Variants in JARID2 observed in about 807,000 individuals in gnomAD.
JARID2 encodes protein Jumonji.
Under a neutral mutation model 125.6 loss-of-function variants are expected in JARID2, and 21 were observed. That is an observed-to-expected ratio of 0.17 (90% CI 0.12 to 0.24). The LOEUF (loss-of-function observed/expected upper bound fraction) is 0.24. Among genes scored for constraint, JARID2 ranks in the 10% least tolerant of loss-of-function variants. The pLI is 1.00. For synonymous variants in JARID2, 736 were observed against 661.6 expected (o/e 1.11, Z -1.73); for missense variants, 1,303 against 1,639.6 (o/e 0.79, Z 3.55).
At chr6:15,509,655 G>C (rs1771181151) in intron 12 of JARID2, among the ~76,000 whole-genome samples, 1 of 152,248 alleles carries the variant, frequency 6.6e-6, no homozygotes, top group South Asian at 2.1e-4. Context: ...CTTTGCCTCC[G>C]GAAGAAGAGC....
In JARID2 at chr6:15,475,311, C is replaced by CT. The variant is rs60370715; in HGVS notation, c.670+6595dup. The stretch of plus-strand genomic sequence containing the variant: ...CCAGTGCCTTGCAAATCTAATGAAG[C>CT]TTGGAGCTCTGCAGGTGCAGGTGCT... On this transcript the variant is annotated intron_variant, in intron 5 of 17. Transcript: ENST00000341776. Among the ~76,000 whole-genome samples, 689 of 152,306 alleles carry CT rather than the reference C, an allele frequency of 4.5e-3. 4 individuals carry two copies. The highest frequency in any genetic ancestry group is 0.016 in the African/African-American group (661 of 41,564).
intron 6 of JARID2, among the ~76,000 whole-genome samples, chr6:15,491,502 A>G (rs1022326001): frequency 2.0e-5 from 3 of 152,166 alleles, no homozygotes; most frequent in African/African-American, 7.2e-5. Context: ...CCAGCCACCA[A>G]CTGTTTCTCT....
At chr6:15,457,809 A>G (rs1447271838) in intron 4 of JARID2, among the ~76,000 whole-genome samples, 1 of 152,166 alleles carries the variant, frequency 6.6e-6, no homozygotes, top group Non-Finnish European at 1.5e-5. Context: ...TACTGGGATT[A>G]GTATAGATAT....
chr6:15,415,796 ACGG>A (rs1377726849), intron 3 of JARID2, among the ~76,000 whole-genome samples: 19 of 132,708 alleles, frequency 1.4e-4, no homozygotes, highest in African/African-American at 5.5e-4. Context: ...CACCTCCCAG[ACGG>A]GGCGGCTGGC....
intron 6 of JARID2, 22 bp from the exon 7 acceptor site, chr6:15,496,105 TCCACC>T (rs1330657659): frequency 2.5e-6 from 4 of 1,572,832 alleles, no homozygotes; most frequent in Admixed American, 1.8e-5. Flanking sequence ...TGCGTTTTTT[TCCACC>T]TCTGCTTCTG....
intron 1 of JARID2, chr6:15,247,681 G>A (rs1759237653): frequency 3.0e-6 from 3 of 985,080 alleles, no homozygotes; most frequent in South Asian, 4.7e-5. Flanking sequence ...TGACCTTCGG[G>A]GCACTGGTTT....
intron 1 of JARID2, among the ~76,000 whole-genome samples, chr6:15,299,489 T>C (rs1581385872): frequency 6.6e-6 from 1 of 152,180 alleles, no homozygotes; most frequent in African/African-American, 2.4e-5. Context: ...GTGTCAGAAA[T>C]AGATGCCATC....
At chr6:15,483,174 AAAC>A (rs1769705443) in intron 5 of JARID2, among the ~76,000 whole-genome samples, 1 of 152,378 alleles carries the variant, frequency 6.6e-6, no homozygotes, top group Non-Finnish European at 1.5e-5. Flanking sequence ...CTTGAAATAA[AAAC>A]AACATCCTAT....
chr6:15,264,455 A>G (rs775916960), intron 1 of JARID2, among the ~76,000 whole-genome samples: 1 of 152,110 alleles, frequency 6.6e-6, no homozygotes, highest in East Asian at 1.9e-4. Context: ...TTTTTCTGGT[A>G]TGGTTTTCTG....
chr6:15,438,890 G>C (rs1342341777), intron 3 of JARID2, among the ~76,000 whole-genome samples: 1 of 152,146 alleles, frequency 6.6e-6, no homozygotes, highest in Non-Finnish European at 1.5e-5. Flanking sequence ...AAATTAGCCA[G>C]GCATGGTGTT....
At chr6:15,462,419 C>T (rs1051217501) in intron 4 of JARID2, among the ~76,000 whole-genome samples, 19 of 151,334 alleles carry the variant, frequency 1.3e-4, no homozygotes, top group African/African-American at 4.4e-4. Flanking sequence ...AGACAGCTGC[C>T]CTGTTTGAGT....
chr6:15,479,437 T>G (rs1769507015), intron 5 of JARID2, among the ~76,000 whole-genome samples: 1 of 152,246 alleles, frequency 6.6e-6, no homozygotes, highest in African/African-American at 2.4e-5. Context: ...TCTGTTATTT[T>G]ATCATTGCAC....
At chr6:15,326,793 G>A (rs986632744) in intron 1 of JARID2, among the ~76,000 whole-genome samples, 3 of 152,302 alleles carry the variant, frequency 2.0e-5, no homozygotes, top group African/African-American at 7.2e-5. Context: ...CAGCCACCAC[G>A]TCCAGCACAG....
chr6:15,443,899 C>T (rs773859138), intron 3 of JARID2, among the ~76,000 whole-genome samples: 13 of 152,110 alleles, frequency 8.5e-5, no homozygotes, highest in Non-Finnish European at 1.8e-4. Context: ...ACTGACCAAG[C>T]AAAACATCAT....
chr6:15,413,415 C>T (rs1007944491), intron 3 of JARID2, among the ~76,000 whole-genome samples: 3 of 152,054 alleles, frequency 2.0e-5, no homozygotes, highest in African/African-American at 4.8e-5. Flanking sequence ...TAGTTTGTTT[C>T]GTGTTGCTGT....
intron 2 of JARID2, among the ~76,000 whole-genome samples, chr6:15,402,431 TG>T (rs1231576697): frequency 1.3e-5 from 2 of 152,220 alleles, no homozygotes; most frequent in African/African-American, 4.8e-5. Context: ...GTGAACATGC[TG>T]TGTTCATGGA....
In JARID2 at chr6:15,461,355, C is replaced by G. The variant is rs569831331; in HGVS notation, c.494-7187C>G. The stretch of plus-strand genomic sequence containing the variant: ...TTGCACTTGCAGATAGAATACTACC[C>G]TAATGTCGGGAATTTCCTATTTGTG... On this transcript the variant is annotated intron_variant, in intron 4 of 17. Transcript: ENST00000341776. Among the ~76,000 whole-genome samples, 31 of 152,300 alleles carry G rather than the reference C, an allele frequency of 2.0e-4. No individual in the cohort carries two copies. The South Asian group carries it at 5.8e-3, about 29-fold the overall frequency.
At chr6:15,484,314 G>A (rs893883319) in intron 5 of JARID2, among the ~76,000 whole-genome samples, 2 of 152,230 alleles carry the variant, frequency 1.3e-5, no homozygotes, top group Non-Finnish European at 1.5e-5. Flanking sequence ...CAGACTCTCA[G>A]TCATGGTCTG....
At chr6:15,452,925 G>T (rs1016528882) in intron 4 of JARID2, among the ~76,000 whole-genome samples, 1 of 152,200 alleles carries the variant, frequency 6.6e-6, no homozygotes, top group African/African-American at 2.4e-5. Context: ...GAGAGAAAAT[G>T]AGCAGAAGGA....
Sources: gnomAD v4.1 joint callset for allele counts (sites outside exome capture counted in the v4.1 genomes callset) on GRCh38, gnomAD v4.1.1 for gene constraint, MANE v1.5 for transcripts, NCBI Gene and HGNC (gene_info 2026-07-23, HGNC 2026-07-21) for gene names.